Variants in EDA observed in about 807,000 individuals in gnomAD.
The protein encoded by EDA is ectodysplasin-A.
In EDA, 2 loss-of-function variants were observed where a neutral mutation model predicts 23.6. The ratio of observed to expected loss-of-function variants is 0.08; its 90% CI spans 0.03 to 0.27. The LOEUF (loss-of-function observed/expected upper bound fraction) is 0.27. Ranked by LOEUF, EDA falls within the 10% of genes least tolerant of loss-of-function variation. The pLI, the probability that EDA is intolerant of heterozygous loss-of-function variation, is 1.00. For missense variants in EDA, 229 were observed against 324.2 expected, an observed-to-expected ratio of 0.71 and a Z score of 2.26; for synonymous variants, 131 against 132.0, an observed-to-expected ratio of 0.99 and a Z score of 0.05.
intron 1 of EDA, among the ~76,000 whole-genome samples, chrX:69,875,884 A>G (rs911449541): frequency 1.8e-5 from 2 of 112,352 alleles, no homozygotes; most frequent in South Asian, 7.4e-4. Flanking sequence ...CAAACATATG[A>G]AAAATGCTCA....
chrX:69,880,626 C>T (rs1387139977), intron 1 of EDA, among the ~76,000 whole-genome samples: 1 of 111,777 alleles, frequency 8.9e-6, no homozygotes, highest in Non-Finnish European at 1.9e-5. Context: ...CATGTGTTGT[C>T]CTTCTACCCC....
In EDA at chrX:69,616,192, C is replaced by A; in HGVS notation, c.-117C>A. On this transcript the variant is annotated 5_prime_UTR_variant, in exon 1 of 8. Transcript: ENST00000374552. Reference sequence around the variant, plus strand: ...CCGCCCAGCCACTGTCGCGCAGGAACGGGTCCCTGCAGCCCCCAGCCGATG... The same window carrying A: ...CCGCCCAGCCACTGTCGCGCAGGAAAGGGTCCCTGCAGCCCCCAGCCGATG... 1 of 885,458 alleles carries A rather than the reference C, an allele frequency of 1.1e-6. No individual in the cohort carries two copies. The highest frequency in any genetic ancestry group is 1.6e-6 in the Non-Finnish European group (1 of 643,462). 73.0% of individuals were successfully genotyped at this position (885,458 alleles called of 1,213,427 possible).
chrX:69,659,818 T>TC (rs1307533824), intron 1 of EDA, among the ~76,000 whole-genome samples: 9 of 111,646 alleles, frequency 8.1e-5, no homozygotes, highest in Admixed American at 2.9e-4. Context: ...AGTGCATCAG[T>TC]CACCTGATGA....
At chrX:69,788,582 G>T (rs963377950) in intron 1 of EDA, among the ~76,000 whole-genome samples, 7 of 111,997 alleles carry the variant, frequency 6.3e-5, no homozygotes, top group Non-Finnish European at 1.3e-4. Context: ...CTGCTGGGGG[G>T]TGCCTCCCAG....
chrX:69,828,361 G>C lies in EDA; in HGVS notation c.397-128666G>C, dbSNP rs1417584013. Among the ~76,000 whole-genome samples the C allele has an allele frequency of 2.7e-5, 3 of 112,403 alleles. No individual in the cohort carries two copies. The East Asian group carries it at 8.5e-4, about 32-fold the overall frequency. Reference sequence around the variant, plus strand: ...GCTAGCAATCAGCGAGACTCCGTGGGCGTAGGACCCTCCGAGTCAGGTGTG... The same window carrying C: ...GCTAGCAATCAGCGAGACTCCGTGGCCGTAGGACCCTCCGAGTCAGGTGTG... On this transcript the variant is annotated intron_variant, in intron 1 of 7. Transcript: ENST00000374552.
intron 2 of EDA, among the ~76,000 whole-genome samples, chrX:70,022,467 G>C (rs1337561511): frequency 2.7e-5 from 3 of 109,330 alleles, no homozygotes; most frequent in Non-Finnish European, 5.7e-5. Context: ...CTTCCAAGTA[G>C]CTGGGACTAC....
At chrX:69,981,729 T>C (rs970552773) in intron 2 of EDA, among the ~76,000 whole-genome samples, 23 of 112,333 alleles carry the variant, frequency 2.0e-4, no homozygotes, top group Non-Finnish European at 1.9e-5. Context: ...TGAATTCTCA[T>C]AACAATCCTG....
chrX:70,023,892 C>T (rs1213214447), intron 3 of EDA, among the ~76,000 whole-genome samples: 2 of 111,828 alleles, frequency 1.8e-5, no homozygotes, highest in African/African-American at 3.3e-5. Flanking sequence ...CTTTTCAAAG[C>T]AGCTTCCATT....
At chrX:69,698,370 C>G (rs183522377) in intron 1 of EDA, among the ~76,000 whole-genome samples, 19 of 111,031 alleles carry the variant, frequency 1.7e-4, no homozygotes, top group African/African-American at 6.2e-4. Context: ...CTGACCACTT[C>G]GGTTGTAGCT....
intron 1 of EDA, among the ~76,000 whole-genome samples, chrX:69,676,584 T>C (rs1197341817): frequency 1.8e-5 from 2 of 110,745 alleles, no homozygotes; most frequent in African/African-American, 6.6e-5. Flanking sequence ...TATTCTGTTC[T>C]ATACCATACT....
intron 1 of EDA, chrX:69,861,087 C>T (rs775841904): frequency 7.8e-5 from 32 of 408,904 alleles, no homozygotes; most frequent in Non-Finnish European, 1.3e-4. Context: ...CTTATAGATC[C>T]TCACCAAGGA....
At chrX:69,963,487 A>G (rs2154321) in intron 2 of EDA, among the ~76,000 whole-genome samples, 11,005 of 111,885 alleles carry the variant, frequency 0.098, 930 homozygotes, top group East Asian at 0.61. Context: ...TTTCACATGT[A>G]GAATCCCCAA....
At chrX:69,687,197 G>T in intron 1 of EDA, among the ~76,000 whole-genome samples, 1 of 109,979 alleles carries the variant, frequency 9.1e-6, no homozygotes. Context: ...TGTGCTCATT[G>T]GCTACTTATA....
chrX:69,937,069 CTGT>C, intron 1 of EDA: 1 of 587,109 alleles, frequency 1.7e-6, no homozygotes, highest in Non-Finnish European at 2.8e-6. Flanking sequence ...AAGGGACTGT[CTGT>C]TGTTCAAAGG....
chrX:69,636,658 A>G (rs1465598280), intron 1 of EDA, among the ~76,000 whole-genome samples: 2 of 106,820 alleles, frequency 1.9e-5, no homozygotes, highest in African/African-American at 6.8e-5. Flanking sequence ...TTGATGCTCA[A>G]ACTTTTGAAG....
At position 69,744,598 on chromosome X, in the gene EDA, G is replaced by A. The variant is rs763962634; in HGVS notation, c.396+127894G>A. Among the ~76,000 whole-genome samples the A allele has an allele frequency of 3.6e-5, 4 of 112,249 alleles. No homozygotes were observed. The East Asian group carries it at 8.4e-4, about 24-fold the overall frequency. On this transcript the variant is annotated intron_variant, in intron 1 of 7. Transcript: ENST00000374552. ...TTAGATAAGACTTTGGTGAAAGAAT[G>A]CAAGAAGCTAAAGTAGTACTATGGG...
intron 1 of EDA, among the ~76,000 whole-genome samples, chrX:69,681,248 CT>C (rs2147283267): frequency 9.1e-6 from 1 of 110,286 alleles, no homozygotes; most frequent in South Asian, 3.9e-4. Flanking sequence ...TCTGGTTGCC[CT>C]TAACATTTTT....
At chrX:69,757,951 T>A (rs1476894034) in intron 1 of EDA, among the ~76,000 whole-genome samples, 1 of 112,422 alleles carries the variant, frequency 8.9e-6, no homozygotes, top group Non-Finnish European at 1.9e-5. Flanking sequence ...GGAATATATT[T>A]TCTATGTGAC....
chrX:69,861,601 C>T (rs2017387224), intron 1 of EDA, among the ~76,000 whole-genome samples: 1 of 111,665 alleles, frequency 9.0e-6, no homozygotes, highest in Non-Finnish European at 1.9e-5. Context: ...AAAATTATCA[C>T]ACTTACAAAA....
Sources: allele counts gnomAD v4.1 joint callset (sites outside exome capture counted in the v4.1 genomes callset), GRCh38; gene constraint gnomAD v4.1.1; transcripts MANE v1.5; gene names NCBI Gene and HGNC (gene_info 2026-07-23, HGNC 2026-07-21).